The following TMEM87A variants were observed in gnomAD, a reference collection of about 807,000 sequenced individuals.
TMEM87A encodes the protein transmembrane protein 87A, also known as Golgi-pH regulating cation channel.
Under a neutral mutation model 90.0 loss-of-function variants are expected in TMEM87A, and 50 were observed. The observed-to-expected ratio is 0.56, with a 90% confidence interval of 0.44 to 0.70. The LOEUF is 0.70. TMEM87A is among the 30% of genes least tolerant of loss of function. The pLI, the probability that TMEM87A is intolerant of heterozygous loss-of-function variation, is 0.00. For synonymous variants in TMEM87A, 226 were observed against 226.7 expected (o/e 1.00, Z 0.03); for missense variants, 577 against 660.5 (o/e 0.87, Z 1.39).
rs1259693597 is a variant in TMEM87A at position 42,226,843 on chromosome 15, T to C, written c.1366A>G (p.Ile456Val). 9 of 1,614,002 alleles carry C rather than the reference T, an allele frequency of 5.6e-6. No homozygotes were observed. Among genetic ancestry groups the C allele is most frequent in the Non-Finnish European group, 7.6e-6 (9 of 1,180,040 alleles). Residue 456 changes from isoleucine (I) to valine (V), a missense_variant, in exon 15 of 20, where the codon ATC (isoleucine) becomes GTC (valine). Physicochemically the swap from Ile to Val is conservative, Grantham distance 29. Coordinates refer to ENST00000389834, the MANE Select transcript of TMEM87A (RefSeq NM_015497.5). ...RLLFSMILFV[I>V]MVLWRPSANN... ...GCAGATGGTCGCCAGAGAACCATGATGACAAAGAGGATCATGGAGAACAGC... is the reference window on the plus strand; with the variant it reads ...GCAGATGGTCGCCAGAGAACCATGACGACAAAGAGGATCATGGAGAACAGC...
chr15:42,238,975 GCACACATACATGTATGTGCACACATA>G (rs1184463888), intron 8 of TMEM87A, among the ~76,000 whole-genome samples: 1 of 151,896 alleles, frequency 6.6e-6, no homozygotes, highest in East Asian at 1.9e-4. Context: ...ACAGACGTAT[GCACACATACATGTATGTGCACACATA>G]CACACATACA....
At chr15:42,242,828 C>A (rs2050896967) in intron 7 of TMEM87A, among the ~76,000 whole-genome samples, 1 of 152,096 alleles carries the variant, frequency 6.6e-6, no homozygotes, top group African/African-American at 2.4e-5. Flanking sequence ...AAAGGAACAT[C>A]TTTAACCAAA....
chr15:42,243,313 T>TAAAA (rs777883580), intron 7 of TMEM87A, among the ~76,000 whole-genome samples: 8 of 33,540 alleles, frequency 2.4e-4, no homozygotes, highest in African/African-American at 4.7e-4. Flanking sequence ...AATAAATAAA[T>TAAAA]AAAAAAAAAG....
At chr15:42,215,484 T>C (rs905918596) in intron 19 of TMEM87A, among the ~76,000 whole-genome samples, 4 of 152,176 alleles carry the variant, frequency 2.6e-5, no homozygotes, top group Non-Finnish European at 5.9e-5. Flanking sequence ...AAATGTGGCA[T>C]AGGACTGTAT....
intron 11 of TMEM87A, among the ~76,000 whole-genome samples, chr15:42,232,708 TTC>T (rs901327582): frequency 1.2e-4 from 18 of 152,164 alleles, no homozygotes; most frequent in Admixed American, 5.2e-4. Context: ...GGTCTTGATC[TTC>T]TGACCTAGTG....
chr15:42,273,130 C>CA (rs1410390059), intron 1 of TMEM87A, 125 bp downstream of exon 1: 7 of 1,254,912 alleles, frequency 5.6e-6, no homozygotes, highest in Admixed American at 2.2e-5. Context: ...GCTAGCCACA[C>CA]AGACCATCCC....
intron 7 of TMEM87A, among the ~76,000 whole-genome samples, chr15:42,242,816 A>G (rs1188073211): frequency 2.0e-5 from 3 of 152,230 alleles, no homozygotes; most frequent in Non-Finnish European, 4.4e-5. Context: ...AACTAGGAAT[A>G]GAAAGGAACA....
intron 19 of TMEM87A, among the ~76,000 whole-genome samples, chr15:42,217,437 C>T (rs373254531): frequency 4.6e-5 from 7 of 152,194 alleles, no homozygotes; most frequent in East Asian, 3.9e-4. Context: ...CTACTATATT[C>T]CTTTCTCAAT....
chr15:42,229,486 G>A lies in TMEM87A; in HGVS notation c.1132-666C>T, dbSNP rs149897426. Among the ~76,000 whole-genome samples, 1,185 of 152,076 alleles carry A rather than the reference G, an allele frequency of 7.8e-3. 12 individuals are homozygous for A. Among genetic ancestry groups the A allele is most frequent in the African/African-American group, 0.027 (1,131 of 41,480 alleles). On this transcript the variant is annotated intron_variant, in intron 12 of 19. Transcript: ENST00000389834. ...AAGATAAAGTGAACATGAGTAACAG[G>A]CAAGGGACAAAGAGTTAACATCATC...
chr15:42,273,177 C>G lies in TMEM87A; in HGVS notation c.144+78G>C. On this transcript the variant is annotated intron_variant, in intron 1 of 19. Coordinates refer to ENST00000389834, the MANE Select transcript of TMEM87A (RefSeq NM_015497.5). ...CCCTTTTGAAGAGACTTTTGCGGAACCTTCATGGACCCCTTGGGCCGCCGT... is the reference window on the plus strand; with the variant it reads ...CCCTTTTGAAGAGACTTTTGCGGAAGCTTCATGGACCCCTTGGGCCGCCGT... 1.9e-6 allele frequency: 3 copies of G among 1,569,250 alleles called. No homozygotes were observed. The South Asian group carries it at 3.4e-5, about 18-fold the overall frequency.
chr15:42,251,386 C>G (rs974671388), intron 6 of TMEM87A, among the ~76,000 whole-genome samples: 1 of 152,148 alleles, frequency 6.6e-6, no homozygotes, highest in Non-Finnish European at 1.5e-5. Context: ...GTTTTATCTA[C>G]CTTTGGTCTT....
rs558086058 is a variant in TMEM87A at position 42,260,398 on chromosome 15, G to A, written c.504+560C>T. Reference sequence around the variant, plus strand: ...AAAAACGAAACAAAACATAACTTCTGTAATATGTATATTATACCTTCATAA... The same window carrying A: ...AAAAACGAAACAAAACATAACTTCTATAATATGTATATTATACCTTCATAA... On this transcript the variant is annotated intron_variant, in intron 6 of 19. Transcript: ENST00000389834. 3.9e-5 allele frequency among the ~76,000 whole-genome samples: 6 copies of A among 152,250 alleles called. No individual in the cohort carries two copies. The South Asian group carries it at 1.2e-3, about 32-fold the overall frequency.
chr15:42,273,425 A>C lies in TMEM87A; in HGVS notation c.-27T>G, dbSNP rs769701784. On this transcript the variant is annotated 5_prime_UTR_variant, in exon 1 of 20. Coordinates refer to ENST00000389834, the MANE Select transcript of TMEM87A (RefSeq NM_015497.5). ...TTCACAGCCGTGGAGTGCCTACCGA[A>C]AGCATTTCACCCTCTTCCGGTTCGT... The C allele has an allele frequency of 8.1e-6, 13 of 1,612,826 alleles. No homozygotes were observed. The highest frequency in any genetic ancestry group is 1.1e-5 in the South Asian group (1 of 91,052).
At chr15:42,242,748 G>C (rs2050895539) in intron 7 of TMEM87A, among the ~76,000 whole-genome samples, 1 of 152,098 alleles carries the variant, frequency 6.6e-6, no homozygotes, top group South Asian at 2.1e-4. Context: ...TAAACTATTT[G>C]ATAAAGCTAA....
At chr15:42,238,610 A>C (rs1436217681) in intron 8 of TMEM87A, among the ~76,000 whole-genome samples, 1 of 152,028 alleles carries the variant, frequency 6.6e-6, no homozygotes, top group Non-Finnish European at 1.5e-5. Context: ...TTAGCCAGGC[A>C]TAGTGGCACA....
At chr15:42,221,522 T>TAA (rs1464844885) in intron 15 of TMEM87A, among the ~76,000 whole-genome samples, 9 of 152,078 alleles carry the variant, frequency 5.9e-5, no homozygotes, top group Non-Finnish European at 1.3e-4. Flanking sequence ...TTCAATTAAG[T>TAA]TCCAATCAAA....
At chr15:42,217,707 C>T in intron 19 of TMEM87A, 96 bp downstream of exon 19, 1 of 1,240,736 alleles carries the variant, frequency 8.1e-7, no homozygotes. Flanking sequence ...CAGGCCACTA[C>T]TGAGTCAAAT....
At chr15:42,218,653 T>G (rs1484764644) in intron 17 of TMEM87A, among the ~76,000 whole-genome samples, 1 of 152,226 alleles carries the variant, frequency 6.6e-6, no homozygotes, top group Admixed American at 6.5e-5. Context: ...GTAAGTGAGA[T>G]CATGTGGTAT....
intron 1 of TMEM87A, chr15:42,272,899 TA>T: frequency 2.1e-6 from 1 of 484,314 alleles, no homozygotes. Flanking sequence ...ATATCTTTCT[TA>T]TCCAACCCGG....
Sources: allele counts gnomAD v4.1 joint callset (sites outside exome capture counted in the v4.1 genomes callset), GRCh38; gene constraint gnomAD v4.1.1; transcripts MANE v1.5; gene names NCBI Gene and HGNC (gene_info 2026-07-23, HGNC 2026-07-21).